The following TERB1 variants were observed in gnomAD, a reference collection of about 807,000 sequenced individuals.
TERB1 encodes telomere repeats-binding bouquet formation protein 1.
In TERB1, 63 loss-of-function variants were observed where a neutral mutation model predicts 92.3. The ratio of observed to expected loss-of-function variants is 0.68; its 90% CI spans 0.56 to 0.84. The LOEUF (loss-of-function observed/expected upper bound fraction) is 0.84. TERB1 is among the 40% of genes least tolerant of loss of function. TERB1 has a pLI of 0.00. For synonymous variants in TERB1, 252 were observed against 283.9 expected (o/e 0.89, Z 1.13); for missense variants, 709 against 843.7 (o/e 0.84, Z 1.98).
At chr16:66,783,891 C>T (rs1271374326) in intron 9 of TERB1, among the ~76,000 whole-genome samples, 2 of 152,188 alleles carry the variant, frequency 1.3e-5, no homozygotes, top group African/African-American at 4.8e-5. Context: ...CCACCGTGCC[C>T]AGCTTGTGTT....
intron 16 of TERB1, among the ~76,000 whole-genome samples, chr16:66,760,396 C>T (rs111519066): frequency 7.7e-4 from 96 of 123,968 alleles, no homozygotes; most frequent in Middle Eastern, 5.4e-3. Context: ...CAGGCGGAGG[C>T]TGCAGTGAGC....
intron 1 of TERB1, 140 bp downstream of exon 1, chr16:66,801,328 G>A (rs937755887): frequency 3.3e-5 from 5 of 152,306 alleles, no homozygotes; most frequent in African/African-American, 1.2e-4. Flanking sequence ...CAAGGGCTGT[G>A]GGGACTACAG....
chr16:66,770,353 C>T, intron 13 of TERB1, 44 bp from the exon 14 acceptor site: 1 of 1,215,706 alleles, frequency 8.2e-7, no homozygotes, highest in Non-Finnish European at 1.1e-6. Context: ...AATCCATTCC[C>T]TTTATAATCC....
At chr16:66,759,856 G>T (rs1157010031) in intron 16 of TERB1, among the ~76,000 whole-genome samples, 1 of 148,502 alleles carries the variant, frequency 6.7e-6, no homozygotes, top group Non-Finnish European at 1.5e-5. Flanking sequence ...AGCATCTAGA[G>T]CGGGCGCAGT....
intron 16 of TERB1, among the ~76,000 whole-genome samples, chr16:66,762,757 CACT>C (rs1378339654): frequency 6.6e-6 from 1 of 151,688 alleles, no homozygotes; most frequent in African/African-American, 2.4e-5. Context: ...GATCTCAGCT[CACT>C]ACAACCTTAA....
At chr16:66,790,047 A>G (rs975643520) in intron 5 of TERB1, among the ~76,000 whole-genome samples, 50 of 152,148 alleles carry the variant, frequency 3.3e-4, no homozygotes, top group African/African-American at 1.2e-3. Flanking sequence ...ATATAAGAAT[A>G]TAAAGTTGGT....
intron 16 of TERB1, among the ~76,000 whole-genome samples, chr16:66,764,109 T>C (rs1156290972): frequency 3.9e-5 from 6 of 152,092 alleles, no homozygotes; most frequent in South Asian, 2.1e-4. Flanking sequence ...GGGAGGAACA[T>C]AGAGATACTT....
chr16:66,790,813 G>A, intron 4 of TERB1, 90 bp from the exon 5 acceptor site: 10 of 1,417,614 alleles, frequency 7.1e-6, no homozygotes, highest in Non-Finnish European at 9.7e-6. Flanking sequence ...ATGATATGTA[G>A]AATAACTGAA....
Position 66,786,303 on chromosome 16 carries a change from AT to A in TERB1, c.401-19del. 6.6e-7 allele frequency: 1 copy of A among 1,515,832 alleles called. No homozygotes were observed. The highest frequency in any genetic ancestry group is 8.9e-7 in the Non-Finnish European group (1 of 1,122,214). The allele number at this position is 1,515,832 out of a possible 1,614,324, so 93.9% of individuals were successfully genotyped here. On this transcript the variant is annotated intron_variant, in intron 6 of 18. Coordinates refer to ENST00000433154, the MANE Select transcript of TERB1 (RefSeq NM_001136505.2). ...TCCGGTCCCTTAAAAAAATAGCCAT[AT>A]AAAAATATGAGTTTTATTTACAAAT...
At chr16:66,794,946 C>CAA (rs1246568716) in intron 3 of TERB1, among the ~76,000 whole-genome samples, 1 of 151,654 alleles carries the variant, frequency 6.6e-6, no homozygotes, top group Non-Finnish European at 1.5e-5. Flanking sequence ...CACACACACA[C>CAA]AATCAAATAA....
chr16:66,800,342 G>A (rs543684336), intron 2 of TERB1: 1 of 151,616 alleles, frequency 6.6e-6, no homozygotes, highest in East Asian at 2.0e-4. Flanking sequence ...CGCCAACCTG[G>A]ATGATGGAGG....
intron 6 of TERB1, among the ~76,000 whole-genome samples, chr16:66,787,678 C>T (rs965691060): frequency 6.6e-6 from 1 of 152,138 alleles, no homozygotes; most frequent in Admixed American, 6.5e-5. Context: ...TCTCTTTAAA[C>T]CTGTTACCTT....
At position 66,790,556 on chromosome 16, in the gene TERB1, A is replaced by C. The variant is rs948666221; in HGVS notation, c.271+39T>G. On this transcript the variant is annotated intron_variant, in intron 5 of 18. Coordinates refer to ENST00000433154, the MANE Select transcript of TERB1 (RefSeq NM_001136505.2). The stretch of plus-strand genomic sequence containing the variant: ...TGAGTATACTGTTAAAATATAACAC[A>C]ATGCTTAAAGTATAATGAAATAAAG... 1.1e-5 allele frequency: 15 copies of C among 1,423,942 alleles called. No homozygotes were observed. The East Asian group carries it at 3.3e-4, about 31-fold the overall frequency. The allele number at this position is 1,423,942 out of a possible 1,614,324, so 88.2% of individuals were successfully genotyped here.
chr16:66,775,278 A>T, intron 11 of TERB1, 35 bp from the exon 12 acceptor site: 1 of 1,513,556 alleles, frequency 6.6e-7, no homozygotes, highest in Non-Finnish European at 9.0e-7. Flanking sequence ...AATGTTTTTT[A>T]TCATAAACTA....
chr16:66,783,575 T>C (rs1440911632), intron 9 of TERB1, among the ~76,000 whole-genome samples: 3 of 152,230 alleles, frequency 2.0e-5, no homozygotes, highest in Non-Finnish European at 2.9e-5. Context: ...GCTGGCCTTA[T>C]ATGTTGGGAA....
chr16:66,800,719 G>T (rs1463999816), intron 2 of TERB1, among the ~76,000 whole-genome samples: 1 of 152,002 alleles, frequency 6.6e-6, no homozygotes, highest in Non-Finnish European at 1.5e-5. Flanking sequence ...TAAAGAAGAC[G>T]CAAGAAGAGA....
At chr16:66,785,603 C>T (rs1005357375) in intron 9 of TERB1, among the ~76,000 whole-genome samples, 183 bp downstream of exon 9, 1 of 152,118 alleles carries the variant, frequency 6.6e-6, no homozygotes, top group African/African-American at 2.4e-5. Context: ...CTGCTACCAC[C>T]ATCTTCCCAA....
intron 11 of TERB1, 113 bp from the exon 12 acceptor site, chr16:66,775,356 A>T: frequency 1.0e-6 from 1 of 957,628 alleles, no homozygotes; most frequent in East Asian, 2.8e-5. Context: ...AAAATAGGCC[A>T]GGAACGGTGG....
intron 14 of TERB1, among the ~76,000 whole-genome samples, chr16:66,768,565 C>T (rs2018388988): frequency 1.3e-5 from 2 of 152,066 alleles, no homozygotes; most frequent in South Asian, 4.1e-4. Flanking sequence ...TCCTAACCCC[C>T]AAAACATTTG....
Sources: gnomAD v4.1 joint callset for allele counts (sites outside exome capture counted in the v4.1 genomes callset) on GRCh38, gnomAD v4.1.1 for gene constraint, MANE v1.5 for transcripts, NCBI Gene and HGNC (gene_info 2026-07-23, HGNC 2026-07-21) for gene names.